Variants in IL1RAPL2 observed in about 807,000 individuals in gnomAD.
The protein encoded by IL1RAPL2 is X-linked interleukin-1 receptor accessory protein-like 2.
IL1RAPL2 carries 3 observed loss-of-function variants against 44.1 expected under a neutral mutation model. The ratio of observed to expected loss-of-function variants is 0.07; its 90% CI spans 0.03 to 0.18. The LOEUF is 0.18. Among genes scored for constraint, IL1RAPL2 ranks in the 10% least tolerant of loss-of-function variants. IL1RAPL2 has a pLI of 1.00. For synonymous variants in IL1RAPL2, 181 were observed against 178.8 expected, an observed-to-expected ratio of 1.01 and a Z score of -0.10; for missense variants, 391 against 496.4, an observed-to-expected ratio of 0.79 and a Z score of 2.02.
At chrX:105,064,694 A>G (rs1442660591) in intron 2 of IL1RAPL2, among the ~76,000 whole-genome samples, 1 of 112,347 alleles carries the variant, frequency 8.9e-6, no homozygotes, top group Non-Finnish European at 1.9e-5. Flanking sequence ...AAGGAAAAGA[A>G]ATATATTTAT....
At chrX:105,235,050 A>G (rs2034108526) in intron 4 of IL1RAPL2, among the ~76,000 whole-genome samples, 1 of 110,837 alleles carries the variant, frequency 9.0e-6, no homozygotes, top group African/African-American at 3.3e-5. Flanking sequence ...TACCCTAACC[A>G]TTTATAACTC....
intron 2 of IL1RAPL2, among the ~76,000 whole-genome samples, chrX:104,894,133 T>C (rs1488278195): frequency 3.9e-4 from 44 of 111,929 alleles, no homozygotes; most frequent in Admixed American, 3.9e-3. Flanking sequence ...TTCTGGCTTA[T>C]AGTTTCTGCC....
chrX:105,726,239 G>C (rs1163278628), intron 7 of IL1RAPL2, among the ~76,000 whole-genome samples: 3 of 111,505 alleles, frequency 2.7e-5, no homozygotes, highest in African/African-American at 9.8e-5. Flanking sequence ...AAACATATTG[G>C]ATACTCATAA....
intron 2 of IL1RAPL2, among the ~76,000 whole-genome samples, chrX:104,851,027 T>C (rs1442159835): frequency 2.7e-5 from 3 of 111,318 alleles, no homozygotes; most frequent in African/African-American, 9.8e-5. Flanking sequence ...CTGTTCTTTT[T>C]TTTCTTGAGA....
At chrX:105,176,672 C>G (rs1020087445) in intron 2 of IL1RAPL2, among the ~76,000 whole-genome samples, 1 of 110,812 alleles carries the variant, frequency 9.0e-6, no homozygotes, top group South Asian at 3.9e-4. Flanking sequence ...CAACACCACC[C>G]CATCCACCTG....
intron 2 of IL1RAPL2, among the ~76,000 whole-genome samples, chrX:105,021,388 G>T (rs776008823): frequency 9.0e-6 from 1 of 111,131 alleles, no homozygotes; most frequent in South Asian, 3.8e-4. Context: ...AGATCAGTGA[G>T]ATGGAGGGAA....
intron 2 of IL1RAPL2, among the ~76,000 whole-genome samples, chrX:104,699,015 A>G (rs1420650127): frequency 1.8e-5 from 2 of 110,592 alleles, no homozygotes; most frequent in Non-Finnish European, 3.8e-5. Context: ...CTCTCATTAC[A>G]TTATAGCTGG....
chrX:105,031,441 T>C (rs2031493462), intron 2 of IL1RAPL2, among the ~76,000 whole-genome samples: 1 of 111,298 alleles, frequency 9.0e-6, no homozygotes, highest in Non-Finnish European at 1.9e-5. Flanking sequence ...TTATTGAGAG[T>C]TTTTAGCATG....
At chrX:104,636,875 A>G (rs754940625) in intron 1 of IL1RAPL2, among the ~76,000 whole-genome samples, 12 of 111,420 alleles carry the variant, frequency 1.1e-4, no homozygotes, top group African/African-American at 3.9e-4. Context: ...GACACTCCCT[A>G]GTGAGATGAA....
intron 6 of IL1RAPL2, among the ~76,000 whole-genome samples, chrX:105,664,121 G>A (rs2037739839): frequency 8.9e-6 from 1 of 112,058 alleles, no homozygotes; most frequent in Non-Finnish European, 1.9e-5. Flanking sequence ...ATTTTAGAAA[G>A]AGGTTTGGCT....
chrX:105,317,975 CT>C (rs1325199376), intron 5 of IL1RAPL2, among the ~76,000 whole-genome samples: 12 of 103,944 alleles, frequency 1.2e-4, no homozygotes, highest in African/African-American at 2.8e-4. Flanking sequence ...CTTTCTTCTT[CT>C]TTTTTTTTTT....
At chrX:104,596,966 A>T (rs1307797743) in intron 1 of IL1RAPL2, among the ~76,000 whole-genome samples, 1 of 111,189 alleles carries the variant, frequency 9.0e-6, no homozygotes, top group Non-Finnish European at 1.9e-5. Flanking sequence ...GAGGGCCTTC[A>T]GACTTCATGT....
intron 6 of IL1RAPL2, among the ~76,000 whole-genome samples, chrX:105,630,766 T>TA (rs747418078): frequency 9.1e-6 from 1 of 110,362 alleles, no homozygotes; most frequent in Non-Finnish European, 1.9e-5. Context: ...ATAAATCACC[T>TA]AAAAAAAAGA....
intron 5 of IL1RAPL2, among the ~76,000 whole-genome samples, chrX:105,309,726 T>A: frequency 3.2e-5 from 1 of 31,196 alleles, no homozygotes; most frequent in Non-Finnish European, 5.7e-5. Flanking sequence ...GGCGAGACTC[T>A]GTCTCAAAAA....
chrX:105,012,674 C>CACACACAGAGAGAG (rs1258556672), intron 2 of IL1RAPL2, among the ~76,000 whole-genome samples: 1 of 81,269 alleles, frequency 1.2e-5, no homozygotes, highest in African/African-American at 5.9e-5. Context: ...CACACACACA[C>CACACACAGAGAGAG]AGAGAGAGAG....
At chrX:105,538,626 A>G (rs2036697059) in intron 6 of IL1RAPL2, among the ~76,000 whole-genome samples, 1 of 111,483 alleles carries the variant, frequency 9.0e-6, no homozygotes, top group South Asian at 3.8e-4. Context: ...CATTTTCCTG[A>G]ACTTAACTGA....
chrX:105,040,890 CTGATT>C (rs1230814008), intron 2 of IL1RAPL2, among the ~76,000 whole-genome samples: 4 of 100,531 alleles, frequency 4.0e-5, no homozygotes. Flanking sequence ...CAGTTCTGCT[CTGATT>C]TTAGTTATTT....
intron 1 of IL1RAPL2, among the ~76,000 whole-genome samples, chrX:104,618,949 G>A (rs1191816407): frequency 8.1e-5 from 9 of 111,792 alleles, no homozygotes. Context: ...TCTCAAGGGG[G>A]AAAGCTGGAG....
intron 5 of IL1RAPL2, among the ~76,000 whole-genome samples, chrX:105,442,303 A>C (rs1431372443): frequency 9.1e-6 from 1 of 110,235 alleles, no homozygotes; most frequent in African/African-American, 3.3e-5. Context: ...TGAACTCGTG[A>C]TCCACCCGCC....
Sources: allele counts gnomAD v4.1 joint callset (sites outside exome capture counted in the v4.1 genomes callset), GRCh38; gene constraint gnomAD v4.1.1; transcripts MANE v1.5; gene names NCBI Gene and HGNC (gene_info 2026-07-23, HGNC 2026-07-21).